The following CNTNAP2 variants were observed in gnomAD, a reference collection of about 807,000 sequenced individuals.
CNTNAP2 encodes contactin-associated protein-like 2.
In CNTNAP2, 98 loss-of-function variants were observed where a neutral mutation model predicts 155.2. That is an observed-to-expected ratio of 0.63 (90% CI 0.54 to 0.75). The LOEUF (loss-of-function observed/expected upper bound fraction) is 0.75. CNTNAP2 is among the 30% of genes least tolerant of loss of function. The probability of loss-of-function intolerance (pLI) is 0.00; values close to 1 mark genes in which losing one functional copy is unlikely to be tolerated. For missense variants in CNTNAP2, 1,727 were observed against 1,688.1 expected (o/e 1.02, Z -0.40); for synonymous variants, 651 against 631.2 (o/e 1.03, Z -0.47).
intron 4 of CNTNAP2, among the ~76,000 whole-genome samples, chr7:147,090,874 G>T (rs769545946): frequency 1.3e-5 from 2 of 152,202 alleles, no homozygotes; most frequent in Non-Finnish European, 2.9e-5. Flanking sequence ...TTTTAAAATT[G>T]CATTTGAAAT....
chr7:146,910,641 T>C (rs1283695993), intron 3 of CNTNAP2, among the ~76,000 whole-genome samples: 4 of 150,470 alleles, frequency 2.7e-5, no homozygotes, highest in African/African-American at 7.5e-5. Flanking sequence ...TTACACCTTA[T>C]ACAAAAATCA....
At chr7:146,583,161 C>T (rs1798638378) in intron 1 of CNTNAP2, among the ~76,000 whole-genome samples, 1 of 151,882 alleles carries the variant, frequency 6.6e-6, no homozygotes, top group South Asian at 2.1e-4. Flanking sequence ...GAAAAGAAAA[C>T]TTAGAACATA....
chr7:147,355,249 C>A (rs190906330), intron 9 of CNTNAP2, among the ~76,000 whole-genome samples: 1 of 151,916 alleles, frequency 6.6e-6, no homozygotes, highest in African/African-American at 2.4e-5. Context: ...CCAATGGGAA[C>A]AAAAACACAA....
intron 1 of CNTNAP2, among the ~76,000 whole-genome samples, chr7:146,616,082 T>A (rs1799219005): frequency 6.6e-6 from 1 of 152,090 alleles, no homozygotes; most frequent in Non-Finnish European, 1.5e-5. Context: ...TTTTTTCCTA[T>A]TGCAGTAAAA....
intron 1 of CNTNAP2, among the ~76,000 whole-genome samples, chr7:146,626,697 A>T (rs1799425327): frequency 6.6e-6 from 1 of 152,158 alleles, no homozygotes; most frequent in Non-Finnish European, 1.5e-5. Flanking sequence ...TAAAAAGTAA[A>T]AAGATACAAA....
rs1563185291 is a variant in CNTNAP2, at chr7:148,061,914, A to AG, written c.2384-56204_2384-56203insG. On this transcript the variant is annotated intron_variant, in intron 15 of 23. Transcript: ENST00000361727. Reference sequence around the variant, plus strand: ...AGATAGATAGATAGATAGATAGATAAACAGATATAGATAGATAGATAGATA... The same window carrying AG: ...AGATAGATAGATAGATAGATAGATAAGACAGATATAGATAGATAGATAGATA... 6.1e-4 allele frequency among the ~76,000 whole-genome samples: 59 copies of AG among 96,096 alleles called. 2 individuals are homozygous for AG. In the East Asian group the frequency reaches 7.1e-3, roughly 12 times the overall value. 63.0% of individuals were successfully genotyped at this position (96,096 alleles called of 152,430 possible).
intron 1 of CNTNAP2, among the ~76,000 whole-genome samples, chr7:146,175,178 TC>T (rs531106821): frequency 3.7e-4 from 57 of 152,224 alleles, no homozygotes; most frequent in South Asian, 2.5e-3. Context: ...TGGTAATGGA[TC>T]CCCAGAGGCA....
intron 13 of CNTNAP2, among the ~76,000 whole-genome samples, chr7:147,811,969 C>T (rs1342215914): frequency 1.3e-5 from 2 of 151,924 alleles, no homozygotes; most frequent in African/African-American, 4.8e-5. Flanking sequence ...TGTCAGTAAA[C>T]AAAGTATAGA....
intron 1 of CNTNAP2, among the ~76,000 whole-genome samples, chr7:146,760,060 A>G (rs907953902): frequency 3.3e-5 from 5 of 152,154 alleles, no homozygotes; most frequent in Non-Finnish European, 4.4e-5. Context: ...GCTTTCACCA[A>G]TGAGTTACAG....
chr7:146,943,092 A>G (rs770168934), intron 3 of CNTNAP2, among the ~76,000 whole-genome samples: 7 of 152,176 alleles, frequency 4.6e-5, no homozygotes, highest in Non-Finnish European at 1.0e-4. Context: ...CCCATATATA[A>G]TTTTTGACTC....
At chr7:146,164,098 C>T (rs1798275016) in intron 1 of CNTNAP2, among the ~76,000 whole-genome samples, 1 of 152,174 alleles carries the variant, frequency 6.6e-6, no homozygotes, top group Non-Finnish European at 1.5e-5. Flanking sequence ...TTAAAAAATT[C>T]TTCCTTAAAA....
chr7:148,087,783 G>A (rs780869493), intron 15 of CNTNAP2, among the ~76,000 whole-genome samples: 1 of 152,052 alleles, frequency 6.6e-6, no homozygotes, highest in Non-Finnish European at 1.5e-5. Flanking sequence ...CTGGGAACTA[G>A]GGATAAACAG....
chr7:147,664,633 T>C (rs1347312818), intron 13 of CNTNAP2, among the ~76,000 whole-genome samples: 1 of 152,142 alleles, frequency 6.6e-6, no homozygotes, highest in Non-Finnish European at 1.5e-5. Flanking sequence ...TCCAGTACAG[T>C]TCCTTTTCTT....
intron 17 of CNTNAP2, among the ~76,000 whole-genome samples, chr7:148,156,305 A>G (rs1450986554): frequency 6.6e-6 from 1 of 152,148 alleles, no homozygotes; most frequent in African/African-American, 2.4e-5. Flanking sequence ...GTCAGCATGG[A>G]TCTCTAAGTC....
At chr7:147,148,204 A>C (rs1801749469) in intron 8 of CNTNAP2, among the ~76,000 whole-genome samples, 1 of 151,578 alleles carries the variant, frequency 6.6e-6, no homozygotes, top group African/African-American at 2.4e-5. Context: ...TCCCGGCTAA[A>C]ACGGTGAAAC....
At chr7:147,625,776 G>T (rs886185194) in intron 12 of CNTNAP2, among the ~76,000 whole-genome samples, 3 of 152,136 alleles carry the variant, frequency 2.0e-5, no homozygotes, top group Non-Finnish European at 2.9e-5. Flanking sequence ...TCCTTTGAAA[G>T]AAGCAGCACA....
intron 13 of CNTNAP2, among the ~76,000 whole-genome samples, chr7:147,722,219 T>C (rs760122622): frequency 3.9e-5 from 6 of 152,154 alleles, no homozygotes; most frequent in Admixed American, 6.6e-5. Flanking sequence ...ACTCTTCTAA[T>C]TTTATTTGTC....
chr7:147,177,025 A>C (rs1196585138), intron 8 of CNTNAP2, among the ~76,000 whole-genome samples: 1 of 143,724 alleles, frequency 7.0e-6, no homozygotes, highest in Non-Finnish European at 1.5e-5. Context: ...TTCTATATAG[A>C]ATTATATAAT....
chr7:146,363,691 T>A (rs374726278), intron 1 of CNTNAP2, among the ~76,000 whole-genome samples: 70 of 152,272 alleles, frequency 4.6e-4, no homozygotes, highest in African/African-American at 1.6e-3. Context: ...GTGGGATGTG[T>A]CCATGACCCT....
Sources: gnomAD v4.1 joint callset for allele counts (sites outside exome capture counted in the v4.1 genomes callset) on GRCh38, gnomAD v4.1.1 for gene constraint, MANE v1.5 for transcripts, NCBI Gene and HGNC (gene_info 2026-07-23, HGNC 2026-07-21) for gene names.